The following OPRM1 variants were observed in gnomAD, a reference collection of about 807,000 sequenced individuals.
OPRM1 encodes mu-type opioid receptor.
A neutral mutation model predicts 31.8 loss-of-function variants in OPRM1; 27 were observed. The observed-to-expected ratio is 0.85, with a 90% CI of 0.63 to 1.17. The LOEUF is 1.17. Among genes scored for constraint, OPRM1 ranks in the 50% most tolerant of loss-of-function variants. The pLI is 0.00. For synonymous variants in OPRM1, 196 were observed against 189.9 expected, an observed-to-expected ratio of 1.03 and a Z score of -0.26; for missense variants, 536 against 511.1, an observed-to-expected ratio of 1.05 and a Z score of -0.47.
chr6:154,014,706 A>G (rs989581926), intron 1 of OPRM1, among the ~76,000 whole-genome samples: 3 of 152,112 alleles, frequency 2.0e-5, no homozygotes, highest in African/African-American at 7.2e-5. Context: ...TAAAAGGTCT[A>G]TGGGGTTTTG....
chr6:154,187,335 G>A (rs2128576483), intron 3 of OPRM1, among the ~76,000 whole-genome samples: 1 of 152,130 alleles, frequency 6.6e-6, no homozygotes, highest in South Asian at 2.1e-4. Flanking sequence ...TCTATCATAC[G>A]TGCTGTTTCC....
At chr6:154,221,395 A>C in intron 3 of OPRM1, 1 of 1,167,566 alleles carries the variant, frequency 8.6e-7, no homozygotes, top group Non-Finnish European at 1.3e-6. Flanking sequence ...GTCTGAAAGT[A>C]AATCAGTAAA....
chr6:154,025,804 T>TA (rs1449299659), intron 1 of OPRM1, among the ~76,000 whole-genome samples: 2 of 151,950 alleles, frequency 1.3e-5, no homozygotes, highest in Non-Finnish European at 2.9e-5. Flanking sequence ...AACAAACAGG[T>TA]AAAAAACCCC....
intron 3 of OPRM1, among the ~76,000 whole-genome samples, chr6:154,147,389 G>C (rs1021321964): frequency 2.0e-5 from 3 of 152,132 alleles, no homozygotes; most frequent in African/African-American, 7.2e-5. Flanking sequence ...TGGTCCTAAA[G>C]CCTTCGGTGA....
At chr6:154,138,755 T>C (rs777919016) in intron 3 of OPRM1, among the ~76,000 whole-genome samples, 3 of 152,236 alleles carry the variant, frequency 2.0e-5, no homozygotes, top group Non-Finnish European at 4.4e-5. Flanking sequence ...ACCTCCTTCT[T>C]GCCTGGGTAC....
chr6:154,139,651 G>A (rs1798147347), intron 3 of OPRM1, among the ~76,000 whole-genome samples: 1 of 152,122 alleles, frequency 6.6e-6, no homozygotes, highest in South Asian at 2.1e-4. Flanking sequence ...ATGAGAAAGG[G>A]CATCACTATG....
intron 3 of OPRM1, among the ~76,000 whole-genome samples, chr6:154,187,409 C>T (rs1196801449): frequency 6.6e-6 from 1 of 152,088 alleles, no homozygotes; most frequent in Non-Finnish European, 1.5e-5. Context: ...TTTTGGCTTT[C>T]GTTTGCTTTT....
At chr6:154,054,152 G>C (rs967757873) in intron 1 of OPRM1, among the ~76,000 whole-genome samples, 1 of 151,896 alleles carries the variant, frequency 6.6e-6, no homozygotes, top group Admixed American at 6.6e-5. Flanking sequence ...GGCGGATCAC[G>C]AGGTCAGGAG....
At chr6:154,221,546 C>T (rs1778859009) in intron 3 of OPRM1, among the ~76,000 whole-genome samples, 1 of 152,148 alleles carries the variant, frequency 6.6e-6, no homozygotes, top group Non-Finnish European at 1.5e-5. Flanking sequence ...CAGAACAGGG[C>T]TGAGTCTTAG....
At chr6:154,156,403 G>T (rs1328970650) in intron 3 of OPRM1, 2 of 152,294 alleles carry the variant, frequency 1.3e-5, no homozygotes, top group African/African-American at 4.8e-5. Flanking sequence ...AACAGGTGAA[G>T]CGAGGTGGGG....
chr6:154,036,164 A>G (rs1021034382), upstream of OPRM1, among the ~76,000 whole-genome samples: 3 of 152,046 alleles, frequency 2.0e-5, no homozygotes, highest in East Asian at 1.9e-4. Flanking sequence ...GTGCTTTTAT[A>G]CTACATATTA....
intron 1 of OPRM1, 85 bp downstream of exon 1, chr6:154,039,919 T>G: frequency 7.8e-7 from 1 of 1,279,644 alleles, no homozygotes; most frequent in Non-Finnish European, 1.1e-6. Flanking sequence ...GGCTCAATGT[T>G]GGGCGGGAGG....
intron 3 of OPRM1, among the ~76,000 whole-genome samples, chr6:154,245,992 C>G (rs1387977827): frequency 6.6e-6 from 1 of 152,202 alleles, no homozygotes; most frequent in Admixed American, 6.5e-5. Context: ...CAAATGTTGT[C>G]TAAGCACGAC....
upstream of OPRM1, chr6:154,039,144 C>A (rs747345350): frequency 6.5e-5 from 101 of 1,549,518 alleles, no homozygotes; most frequent in Middle Eastern, 1.7e-4. Context: ...ACCCTTCTCT[C>A]CATCTCCCTC....
chr6:154,199,976 A>G (rs1294697684), intron 3 of OPRM1: 1 of 1,614,232 alleles, frequency 6.2e-7, no homozygotes, highest in East Asian at 2.2e-5. Context: ...TGTATTTTCC[A>G]GGGAAGAGAA....
rs1486645715 is a variant in OPRM1, at chr6:154,124,471, A to G, written c.*5750A>G. Among the ~76,000 whole-genome samples, 1 of 152,190 alleles carries G rather than the reference A, an allele frequency of 6.6e-6. No homozygotes were observed. Among genetic ancestry groups the G allele is most frequent in the Non-Finnish European group, 1.5e-5 (1 of 68,024 alleles). On this transcript the variant is annotated 3_prime_UTR_variant, in exon 4 of 4. Transcript: ENST00000330432. ...AAAATCACAGAAGAAGTTGTTTTCC[A>G]TAGGTGTGGGGTGGGATGTTAGAGC...
rs1188397084 is a variant in OPRM1, at chr6:154,099,329, A to AAGGAAGGAAGGAAGGAAGGG, written c.1164+7860_1164+7861insAAGGAAGGAAGGAAGGGAGG. Among the ~76,000 whole-genome samples, 99 of 119,452 alleles carry AAGGAAGGAAGGAAGGAAGGG rather than the reference A, an allele frequency of 8.3e-4. 1 individual carries two copies. The highest frequency in any genetic ancestry group is 1.4e-3 in the Non-Finnish European group (81 of 56,996). 78.4% of individuals were successfully genotyped at this position (119,452 alleles called of 152,430 possible). A position where few individuals can be genotyped will look rare whatever the true frequency, so the allele number is the denominator to read the frequency against. ...GAAGAAAGGAAGGAAGGAAGGAAGG[A>AAGGAAGGAAGGAAGGAAGGG]AGGGAGGGAGGAAGAGAGCGAGAGA... On this transcript the variant is annotated intron_variant, in intron 3 of 3. Transcript: ENST00000330432.
chr6:154,039,194 A>G (rs1272219292), upstream of OPRM1: 2 of 1,551,540 alleles, frequency 1.3e-6, no homozygotes, highest in Admixed American at 3.9e-5. Flanking sequence ...CAGTGAAGAG[A>G]CCTACTCCTT....
intron 3 of OPRM1, among the ~76,000 whole-genome samples, chr6:154,164,205 G>T (rs1799245225): frequency 6.6e-6 from 1 of 151,994 alleles, no homozygotes; most frequent in African/African-American, 2.4e-5. Context: ...ATAAAAATTG[G>T]GGAAACTGAC....
Sources: gnomAD v4.1 joint callset for allele counts (sites outside exome capture counted in the v4.1 genomes callset) on GRCh38, gnomAD v4.1.1 for gene constraint, MANE v1.5 for transcripts, NCBI Gene and HGNC (gene_info 2026-07-23, HGNC 2026-07-21) for gene names.